Variants in VWA3B observed in about 807,000 individuals in gnomAD.
VWA3B encodes the protein von Willebrand factor A domain containing 3B, also known as von Willebrand factor A domain-containing protein 3B.
Under a neutral mutation model 158.3 loss-of-function variants are expected in VWA3B, and 138 were observed. That is an observed-to-expected ratio of 0.87 (90% CI 0.76 to 1.00). The LOEUF is 1.00. Among genes scored for constraint, VWA3B ranks in the 50% least tolerant of loss-of-function variants. The pLI, the probability that VWA3B is intolerant of heterozygous loss-of-function variation, is 0.00. For synonymous variants in VWA3B, 596 were observed against 587.3 expected (o/e 1.01, Z -0.21); for missense variants, 1,555 against 1,565.1 (o/e 0.99, Z 0.11).
intron 16 of VWA3B, among the ~76,000 whole-genome samples, chr2:98,232,867 T>A (rs1267079376): frequency 6.6e-6 from 1 of 152,096 alleles, no homozygotes; most frequent in African/African-American, 2.4e-5. Flanking sequence ...GGATGTTAGA[T>A]GTCTCTGAGG....
chr2:98,194,285 T>A (rs1308371532), intron 11 of VWA3B, 76 bp from the exon 12 acceptor site: 4 of 1,467,746 alleles, frequency 2.7e-6, no homozygotes, highest in Non-Finnish European at 3.7e-6. Flanking sequence ...GATTAAAATA[T>A]ATCAAACTGT....
At chr2:98,243,998 T>A (rs1047351832) in intron 19 of VWA3B, among the ~76,000 whole-genome samples, 2 of 152,194 alleles carry the variant, frequency 1.3e-5, no homozygotes, top group South Asian at 2.1e-4. Flanking sequence ...CAATAGATAA[T>A]CACCAGTTTC....
At chr2:98,106,910 G>A (rs532515601) in intron 2 of VWA3B, among the ~76,000 whole-genome samples, 98 of 152,228 alleles carry the variant, frequency 6.4e-4, no homozygotes, top group Admixed American at 1.2e-3. Context: ...GAATAGCAAC[G>A]GTAAGAGTGG....
chr2:98,172,251 G>A (rs1216142716), intron 8 of VWA3B, among the ~76,000 whole-genome samples: 2 of 152,218 alleles, frequency 1.3e-5, no homozygotes, highest in Non-Finnish European at 2.9e-5. Flanking sequence ...AGATAGGGGA[G>A]CTAGAAGGGT....
chr2:98,129,272 GGA>G (rs1225399401), intron 6 of VWA3B, among the ~76,000 whole-genome samples: 2 of 144,394 alleles, frequency 1.4e-5, no homozygotes, highest in Non-Finnish European at 3.1e-5. Flanking sequence ...GAGAGAGGGA[GGA>G]GAGAGAGGAG....
Position 98,270,864 on chromosome 2 carries a change from C to T in VWA3B, c.3026C>T (p.Ala1009Val), listed in dbSNP as rs1165739763. Residue 1009 changes from alanine (A) to valine (V), a missense_variant, in exon 22 of 28, where the codon GCA becomes GTA. Physicochemically the swap from Ala to Val is moderately conservative, Grantham distance 64. Coordinates refer to ENST00000477737, the MANE Select transcript of VWA3B (RefSeq NM_144992.5). ...CAGGAGGCTGCCAAGAAGAATTATG[C>T]AAACAAGGCCCCGGGAGAGGTGGGT... The part of the protein sequence containing the change: ...ELQEAAKKNY[A>V]NKAPGEQQKL... 6.2e-7 allele frequency: 1 copy of T among 1,613,966 alleles called. No individual in the cohort carries two copies.
chr2:98,285,068 T>A (rs1226809422), intron 22 of VWA3B, among the ~76,000 whole-genome samples: 1 of 152,210 alleles, frequency 6.6e-6, no homozygotes, highest in Non-Finnish European at 1.5e-5. Context: ...TGTACCCTCA[T>A]GAAGGTTACC....
chr2:98,107,855 A>G (rs1363557888), intron 2 of VWA3B, among the ~76,000 whole-genome samples: 2 of 151,696 alleles, frequency 1.3e-5, no homozygotes, highest in South Asian at 4.2e-4. Flanking sequence ...TCTGTTTTCA[A>G]TTTCATTGAT....
chr2:98,299,961 T>G, intron 24 of VWA3B, 118 bp from the exon 25 acceptor site: 1 of 1,308,364 alleles, frequency 7.6e-7, no homozygotes. Context: ...AAAAAATATC[T>G]ATTTGAATTT....
chr2:98,234,777 A>G lies in VWA3B; in HGVS notation c.2428+10A>G. The G allele has an allele frequency of 6.2e-7, 1 of 1,614,150 alleles. No homozygotes were observed. The highest frequency in any genetic ancestry group is 8.5e-7 in the Non-Finnish European group (1 of 1,180,000). On this transcript the variant is annotated intron_variant, in intron 17 of 27. Coordinates refer to ENST00000477737, the MANE Select transcript of VWA3B (RefSeq NM_144992.5). ...GCTCTAAGTGACAAAGGCAAGCCAG[A>G]AAGCATCTCTGTGGCCAACCAGCCT...
chr2:98,192,851 T>C (rs375611902), intron 10 of VWA3B, 47 bp from the exon 11 acceptor site: 18 of 1,613,728 alleles, frequency 1.1e-5, no homozygotes, highest in African/African-American at 6.7e-5. Context: ...GATGCTCTTG[T>C]TGCCTGCAGG....
intron 16 of VWA3B, among the ~76,000 whole-genome samples, chr2:98,232,716 C>A (rs1428394782): frequency 6.6e-6 from 1 of 152,134 alleles, no homozygotes; most frequent in Non-Finnish European, 1.5e-5. Flanking sequence ...CTTTTGTGGG[C>A]TGTGGTTCTG....
At chr2:98,291,033 G>C (rs895281046) in intron 23 of VWA3B, 1 of 159,330 alleles carries the variant, frequency 6.3e-6, no homozygotes, top group East Asian at 1.9e-4. Flanking sequence ...CAGATACAGT[G>C]CCATAGAGAA....
chr2:98,186,631 C>T (rs1028011953), intron 9 of VWA3B, among the ~76,000 whole-genome samples: 3 of 152,062 alleles, frequency 2.0e-5, no homozygotes, highest in Non-Finnish European at 2.9e-5. Flanking sequence ...CATCTGATCT[C>T]TCGGTGAACG....
chr2:98,177,291 A>T (rs1443213035), intron 8 of VWA3B, among the ~76,000 whole-genome samples: 1 of 152,236 alleles, frequency 6.6e-6, no homozygotes, highest in Non-Finnish European at 1.5e-5. Context: ...CTCCCTTCTC[A>T]TAACAGAAAG....
At chr2:98,208,303 T>C (rs1027515277) in intron 12 of VWA3B, among the ~76,000 whole-genome samples, 1 of 152,220 alleles carries the variant, frequency 6.6e-6, no homozygotes, top group African/African-American at 2.4e-5. Context: ...CATGTTTTTG[T>C]TCACTCTTCA....
At chr2:98,171,427 C>A (rs917204118) in intron 8 of VWA3B, among the ~76,000 whole-genome samples, 1 of 151,950 alleles carries the variant, frequency 6.6e-6, no homozygotes, top group South Asian at 2.1e-4. Flanking sequence ...GGGAGAGAGC[C>A]GGGAGTGTAT....
chr2:98,197,191 G>A (rs9308889), intron 12 of VWA3B, among the ~76,000 whole-genome samples: 1,690 of 152,260 alleles, frequency 0.011, 33 homozygotes, highest in African/African-American at 0.038. Flanking sequence ...TCTGTAGAAT[G>A]TCCTTAAGTT....
At chr2:98,148,754 T>C (rs987084117) in intron 7 of VWA3B, among the ~76,000 whole-genome samples, 15 of 152,224 alleles carry the variant, frequency 9.9e-5, no homozygotes, top group African/African-American at 3.6e-4. Context: ...ACCTCTGTGC[T>C]ACCCTTTGTA....
Sources: allele counts gnomAD v4.1 joint callset (sites outside exome capture counted in the v4.1 genomes callset), GRCh38; gene constraint gnomAD v4.1.1; transcripts MANE v1.5; gene names NCBI Gene and HGNC (gene_info 2026-07-23, HGNC 2026-07-21).